DMD: variants seen among roughly 807,000 people sequenced by gnomAD.
DMD encodes the protein dystrophin, also known as mutant dystrophin.
In DMD, 63 loss-of-function variants were observed where a neutral mutation model predicts 330.1. The observed-to-expected ratio is 0.19, with a 90% CI of 0.16 to 0.24. DMD has a LOEUF of 0.24. Ranked by LOEUF, DMD falls within the 10% of genes least tolerant of loss-of-function variation. The pLI, the probability that DMD is intolerant of heterozygous loss-of-function variation, is 1.00. For synonymous variants in DMD, 1,223 were observed against 959.8 expected (o/e 1.27, Z -5.07); for missense variants, 3,344 against 2,684.1 (o/e 1.25, Z -5.43).
At chrX:31,314,130 C>T (rs779813025) in intron 62 of DMD, among the ~76,000 whole-genome samples, 6 of 111,951 alleles carry the variant, frequency 5.4e-5, no homozygotes, top group Middle Eastern at 4.7e-3. Flanking sequence ...CCACCACGCC[C>T]GACTGATAGC....
chrX:33,254,975 T>A (rs953905723), intron 1 of DMD, among the ~76,000 whole-genome samples: 11 of 111,026 alleles, frequency 9.9e-5, no homozygotes, highest in Non-Finnish European at 2.1e-4. Context: ...ATATTATCCT[T>A]CTTTATATTT....
At chrX:32,951,723 C>A (rs1034844323) in intron 2 of DMD, among the ~76,000 whole-genome samples, 5 of 111,649 alleles carry the variant, frequency 4.5e-5, no homozygotes, top group African/African-American at 1.6e-4. Context: ...TTGCAATGAT[C>A]TGAGGTACCT....
At chrX:31,372,083 G>A (rs1017219675) in intron 60 of DMD, among the ~76,000 whole-genome samples, 2 of 111,575 alleles carry the variant, frequency 1.8e-5, no homozygotes, top group African/African-American at 6.5e-5. Context: ...CTTAATGGGG[G>A]TGCTGGTGGT....
intron 2 of DMD, among the ~76,000 whole-genome samples, chrX:32,958,826 C>A: frequency 9.0e-6 from 1 of 110,610 alleles, no homozygotes; most frequent in African/African-American, 3.3e-5. Flanking sequence ...ACTATTGTAA[C>A]CAGAACTTAC....
intron 55 of DMD, among the ~76,000 whole-genome samples, chrX:31,512,467 G>A (rs28811297): frequency 0.064 from 6,413 of 100,485 alleles, 167 homozygotes; most frequent in African/African-American, 0.097. Context: ...TATGGTTTTA[G>A]GTCTAACGTT....
At chrX:33,117,516 A>T (rs1229855161) in intron 1 of DMD, among the ~76,000 whole-genome samples, 3 of 111,619 alleles carry the variant, frequency 2.7e-5, no homozygotes, top group Non-Finnish European at 5.6e-5. Flanking sequence ...ACCTCAATAA[A>T]GCTGGGGGAA....
intron 1 of DMD, among the ~76,000 whole-genome samples, chrX:33,167,501 C>G (rs5972767): frequency 0.18 from 19,856 of 110,011 alleles, 1,708 homozygotes; most frequent in East Asian, 0.45. Flanking sequence ...TCTAATGTAT[C>G]CTTCACCCAG....
Position 32,809,511 on chromosome X carries a change from T to C in DMD, c.631A>G (p.Lys211Glu). The C allele has an allele frequency of 8.3e-7, 1 of 1,210,564 alleles. No homozygotes were observed. The highest frequency in any genetic ancestry group is 1.8e-5 in the South Asian group (1 of 56,970). ...NIARYQLGIE[K>E]LLDPEDVDTT... is the part of the protein sequence containing the mutation. ...TACCAACCTTCAGGATCGAGTAGTT[T>C]CTCTATGCCTAATTGATATCTGGCG... The change falls in exon 7 of 79, where the codon AAA becomes GAA. Residue 211 changes from lysine to glutamate, a missense_variant. By Grantham distance (56) the Lys-to-Glu change is moderately conservative. Transcript: ENST00000357033.
chrX:31,836,650 C>T, intron 49 of DMD, 68 bp downstream of exon 49: 3 of 892,019 alleles, frequency 3.4e-6, no homozygotes, highest in Non-Finnish European at 5.0e-6. Context: ...ACGTCAATGG[C>T]AAATGTACAA....
intron 29 of DMD, among the ~76,000 whole-genome samples, chrX:32,436,710 G>C: frequency 9.0e-6 from 1 of 111,113 alleles, no homozygotes; most frequent in Non-Finnish European, 1.9e-5. Context: ...CCAGCACTTT[G>C]GGAGGCCAAG....
chrX:32,659,366 G>A (rs2060799545), intron 9 of DMD, among the ~76,000 whole-genome samples: 1 of 111,533 alleles, frequency 9.0e-6, no homozygotes, highest in Non-Finnish European at 1.9e-5. Flanking sequence ...ATAAGGGAGA[G>A]AAATCCCTAT....
At chrX:32,787,213 A>AGTGTGTGTGTGTGT (rs72078806) in intron 7 of DMD, among the ~76,000 whole-genome samples, 74 of 83,369 alleles carry the variant, frequency 8.9e-4, no homozygotes, top group African/African-American at 3.0e-3. Flanking sequence ...CTCTCTGTCA[A>AGTGTGTGTGTGTGT]GTGTGTGTGT....
At chrX:32,308,962 T>G (rs1048348883) in intron 42 of DMD, among the ~76,000 whole-genome samples, 1 of 111,442 alleles carries the variant, frequency 9.0e-6, no homozygotes, top group Non-Finnish European at 1.9e-5. Context: ...CTTTATTTTA[T>G]TAACTGATTA....
intron 1 of DMD, among the ~76,000 whole-genome samples, chrX:33,136,902 A>G (rs1342381366): frequency 9.0e-6 from 1 of 111,369 alleles, no homozygotes; most frequent in East Asian, 2.8e-4. Context: ...TGATGAGGTT[A>G]AAAATTATAG....
intron 5 of DMD, 67 bp downstream of exon 5, chrX:32,823,228 T>C: frequency 1.1e-6 from 1 of 920,785 alleles, no homozygotes; most frequent in South Asian, 2.0e-5. Flanking sequence ...GTTTCACACG[T>C]CAAGGGTAAA....
intron 61 of DMD, among the ~76,000 whole-genome samples, chrX:31,333,407 CTTTTTTTTTTTTTTTTT>C (rs145925904): frequency 1.0e-4 from 4 of 39,338 alleles, no homozygotes; most frequent in African/African-American, 4.2e-4. Flanking sequence ...CTGCCCCCGC[CTTTTTTTTTTTTTTTTT>C]TTTTTTTTTG....
chrX:31,137,815 G>A (rs967670023), intron 76 of DMD, among the ~76,000 whole-genome samples: 1 of 111,151 alleles, frequency 9.0e-6, no homozygotes, highest in African/African-American at 3.3e-5. Flanking sequence ...TCAGAAAGTG[G>A]AGTCTTGGAA....
intron 45 of DMD, among the ~76,000 whole-genome samples, chrX:31,950,652 T>C (rs1291284262): frequency 1.8e-5 from 2 of 111,021 alleles, no homozygotes; most frequent in South Asian, 3.7e-4. Context: ...TTCTGCATCA[T>C]AGAATTTGGG....
chrX:31,524,542 G>A (rs762861173), intron 55 of DMD, among the ~76,000 whole-genome samples: 1 of 111,815 alleles, frequency 8.9e-6, no homozygotes, highest in African/African-American at 3.2e-5. Flanking sequence ...GAATGACCCC[G>A]GTTTCACTCT....
Sources: gnomAD v4.1 joint callset for allele counts (sites outside exome capture counted in the v4.1 genomes callset) on GRCh38, gnomAD v4.1.1 for gene constraint, MANE v1.5 for transcripts, NCBI Gene and HGNC (gene_info 2026-07-23, HGNC 2026-07-21) for gene names.